Variants in LACTB observed in about 807,000 individuals in gnomAD.
LACTB encodes the protein serine beta-lactamase-like protein LACTB, mitochondrial.
A neutral mutation model predicts 50.2 loss-of-function variants in LACTB; 35 were observed. The observed-to-expected ratio is 0.70, with a 90% CI of 0.53 to 0.92. The LOEUF (loss-of-function observed/expected upper bound fraction) is 0.92. LACTB is among the 40% of genes least tolerant of loss of function. The probability of loss-of-function intolerance (pLI) is 0.00; values close to 1 mark genes in which losing one functional copy is unlikely to be tolerated. For missense variants in LACTB, 664 were observed against 691.8 expected, an observed-to-expected ratio of 0.96 and a Z score of 0.45; for synonymous variants, 252 against 268.2, an observed-to-expected ratio of 0.94 and a Z score of 0.59.
chr15:63,139,867 G>A (rs554935543), intron 5 of LACTB, among the ~76,000 whole-genome samples: 1 of 151,978 alleles, frequency 6.6e-6, no homozygotes, highest in East Asian at 1.9e-4. Context: ...GGAGGCAGAG[G>A]CGAGTGGATT....
intron 5 of LACTB, 111 bp from the exon 6 acceptor site, chr15:63,141,169 G>A (rs1000495823): frequency 1.9e-5 from 27 of 1,447,660 alleles, no homozygotes; most frequent in African/African-American, 2.9e-5. Flanking sequence ...TTCTGAGAAT[G>A]TATGATCATT....
intron 4 of LACTB, 76 bp from the exon 5 acceptor site, chr15:63,129,409 G>C: frequency 7.8e-7 from 1 of 1,280,292 alleles, no homozygotes; most frequent in Non-Finnish European, 1.0e-6. Flanking sequence ...CCAATTTTCA[G>C]TGGGAATATA....
At chr15:63,140,339 A>G (rs2037216872) in intron 5 of LACTB, among the ~76,000 whole-genome samples, 1 of 152,192 alleles carries the variant, frequency 6.6e-6, no homozygotes, top group African/African-American at 2.4e-5. Flanking sequence ...GTGAGAGTTT[A>G]GGGCAAGAAA....
intron 5 of LACTB, among the ~76,000 whole-genome samples, chr15:63,132,844 T>C (rs2037145983): frequency 6.6e-6 from 1 of 152,128 alleles, no homozygotes; most frequent in Non-Finnish European, 1.5e-5. Flanking sequence ...TTTGATATAT[T>C]ATAAAAATAC....
chr15:63,130,240 C>T (rs1254969192), intron 5 of LACTB: 1 of 152,376 alleles, frequency 6.6e-6, no homozygotes, highest in African/African-American at 2.4e-5. Context: ...TGCAGTGGCT[C>T]ACGCCTGTAA....
chr15:63,141,745 TG>T lies in LACTB; in HGVS notation c.1586del (p.Gly529AlafsTer7), dbSNP rs772649732. The T allele has an allele frequency of 6.2e-7, 1 of 1,614,186 alleles. No homozygotes were observed. The highest frequency in any genetic ancestry group is 8.5e-7 in the Non-Finnish European group (1 of 1,180,034). On this transcript the variant is annotated frameshift_variant, in exon 6 of 6. Transcript: ENST00000261893. LOFTEE classifies it high-confidence loss of function. ...VSIICNMQSV[G>X]LNSTALKIAL... is the part of the protein sequence containing the mutation. ...CTATCATATGTAACATGCAATCTGTTGGCCTCAATAGCACCGCTTTGAAGAT... is the reference window on the plus strand; with the variant it reads ...CTATCATATGTAACATGCAATCTGTTGCCTCAATAGCACCGCTTTGAAGAT...
intron 2 of LACTB, among the ~76,000 whole-genome samples, chr15:63,124,673 C>T (rs2037024624): frequency 6.6e-6 from 1 of 152,118 alleles, no homozygotes; most frequent in Admixed American, 6.5e-5. Context: ...ATGTTTCAGG[C>T]CAGGTGCAGT....
Position 63,122,061 on chromosome 15 carries a change from G to T in LACTB, c.190G>T (p.Ala64Ser). The stretch of plus-strand genomic sequence containing the variant: ...GCTGGCAGGTGGGCTGAGGGGCGCG[G>T]CCCCGGCGCAGTCCCCCGCGGCCCC... Reference protein sequence around the residue: ...VKLAGGLRGAAPAQSPAAPDP... With the variant: ...VKLAGGLRGASPAQSPAAPDP... Residue 64 changes from alanine to serine, a missense_variant, in exon 1 of 6, where the codon GCC becomes TCC. Physicochemically the swap from Ala to Ser is moderately conservative, Grantham distance 99 (BLOSUM62 1). Coordinates refer to ENST00000261893, the MANE Select transcript of LACTB (RefSeq NM_032857.5). 6.3e-6 allele frequency: 9 copies of T among 1,433,794 alleles called. No homozygotes were observed. Among genetic ancestry groups the T allele is most frequent in the Non-Finnish European group, 8.2e-6 (9 of 1,102,778 alleles). 88.8% of individuals were successfully genotyped at this position (1,433,794 alleles called of 1,614,324 possible). A position where few individuals can be genotyped will look rare whatever the true frequency, so the allele number is the denominator to read the frequency against.
At chr15:63,138,961 T>C (rs1317319097) in intron 5 of LACTB, among the ~76,000 whole-genome samples, 1 of 150,304 alleles carries the variant, frequency 6.7e-6, no homozygotes, top group African/African-American at 2.5e-5. Flanking sequence ...GGAGAATCAC[T>C]TGAATCCGGG....
rs2037060098 is a variant in LACTB at position 63,126,894 on chromosome 15, T to C, written c.460T>C (p.Cys154Arg). ...TGCTGATGTTGAGAACCGTGTACCA[T>C]GTAAACCAGAGACAGTTATGCGAAT... ...GYADVENRVP[C>R]KPETVMRIAS... The change falls in exon 3 of 6, where the codon TGT becomes CGT. Residue 154 changes from cysteine (C) to arginine (R), a missense_variant. By Grantham distance (180) the Cys-to-Arg change is radical. Transcript: ENST00000261893. 1.2e-6 allele frequency: 2 copies of C among 1,611,854 alleles called. No homozygotes were observed. The highest frequency in any genetic ancestry group is 1.7e-6 in the Non-Finnish European group (2 of 1,178,698).
chr15:63,124,054 C>T (rs1045387389), intron 2 of LACTB, among the ~76,000 whole-genome samples: 3 of 152,096 alleles, frequency 2.0e-5, no homozygotes, highest in Admixed American at 2.0e-4. Flanking sequence ...TGACGCTCTT[C>T]GCTACCGCTA....
At chr15:63,136,042 C>CTT (rs55680025) in intron 5 of LACTB, among the ~76,000 whole-genome samples, 1 of 132,582 alleles carries the variant, frequency 7.5e-6, no homozygotes. Context: ...ATTTTCTTTT[C>CTT]TTTTTTTTTT....
At chr15:63,124,247 T>C (rs1022474702) in intron 2 of LACTB, among the ~76,000 whole-genome samples, 6 of 152,194 alleles carry the variant, frequency 3.9e-5, no homozygotes, top group African/African-American at 1.2e-4. Flanking sequence ...TGGCTATGAT[T>C]ATAGAGCAAG....
chr15:63,122,585 G>A, intron 1 of LACTB, 51 bp from the exon 2 acceptor site: 2 of 1,428,750 alleles, frequency 1.4e-6, no homozygotes, highest in Non-Finnish European at 2.0e-6. Flanking sequence ...GGAGAGCGCT[G>A]GGCTTTTTCA....
chr15:63,124,740 C>A (rs574349041), intron 2 of LACTB, among the ~76,000 whole-genome samples: 3 of 151,352 alleles, frequency 2.0e-5, no homozygotes, highest in Non-Finnish European at 4.4e-5. Context: ...GTTGCCTGAG[C>A]TTAGGAGTTC....
chr15:63,123,451 TCGGTGGGTCTCTCCCTGTGTG>T (rs1241488128), intron 2 of LACTB, among the ~76,000 whole-genome samples: 1 of 152,048 alleles, frequency 6.6e-6, no homozygotes, highest in Admixed American at 6.6e-5. Context: ...CCCCACAGGG[TCGGTGGGTCTCTCCCTGTGTG>T]CGGCGACGAG....
rs771877377 is a variant in LACTB at position 63,121,967 on chromosome 15, G to A, written c.96G>A (p.Gly32=). 10 of 1,378,018 alleles carry A rather than the reference G, an allele frequency of 7.3e-6. No individual in the cohort carries two copies. The African/African-American group carries it at 1.5e-4, about 21-fold the overall frequency. The allele number at this position is 1,378,018 out of a possible 1,614,324, so 85.4% of individuals were successfully genotyped here. The change falls in exon 1 of 6, where the codon GGG becomes GGA. Residue 32 remains glycine (G), a synonymous_variant. Transcript: ENST00000261893. Reference sequence around the variant, plus strand: ...GACGCGGGGTCCATCAGCGCGCCGGGCTGCCGCCTCTCGGCCACGGCTGGG... The same window carrying A: ...GACGCGGGGTCCATCAGCGCGCCGGACTGCCGCCTCTCGGCCACGGCTGGG... ...CGRRGVHQRA[G]LPPLGHGWVG...
chr15:63,127,194 G>GAT, intron 3 of LACTB, 145 bp downstream of exon 3: 1 of 916,106 alleles, frequency 1.1e-6, no homozygotes, highest in Non-Finnish European at 1.6e-6. Flanking sequence ...TGATAATCAG[G>GAT]TAGGTATTTT....
intron 2 of LACTB, among the ~76,000 whole-genome samples, chr15:63,126,236 G>A (rs1432386769): frequency 6.6e-6 from 1 of 152,156 alleles, no homozygotes; most frequent in East Asian, 1.9e-4. Context: ...CTGCCTCCAA[G>A]GTTCAAGCGA....
Sources: gnomAD v4.1 joint callset for allele counts (sites outside exome capture counted in the v4.1 genomes callset) on GRCh38, gnomAD v4.1.1 for gene constraint, MANE v1.5 for transcripts, NCBI Gene and HGNC (gene_info 2026-07-23, HGNC 2026-07-21) for gene names.